RUVBL1: variants seen among roughly 807,000 people sequenced by gnomAD.
The protein encoded by RUVBL1 is RuvB like AAA ATPase 1.
In RUVBL1, 4 loss-of-function variants were observed where a neutral mutation model predicts 52.4. The ratio of observed to expected loss-of-function variants is 0.08; its 90% CI spans 0.04 to 0.17. RUVBL1 has a LOEUF of 0.17. Ranked by LOEUF, RUVBL1 falls within the 10% of genes least tolerant of loss-of-function variation. The pLI is 1.00. For missense variants in RUVBL1, 298 were observed against 572.8 expected (o/e 0.52, Z 4.90); for synonymous variants, 217 against 214.4 (o/e 1.01, Z -0.10).
chr3:128,077,341 C>T (rs1258067517), downstream of RUVBL1, among the ~76,000 whole-genome samples: 1 of 152,196 alleles, frequency 6.6e-6, no homozygotes, highest in Admixed American at 6.5e-5. Flanking sequence ...CTCCCTCACC[C>T]CCTATCCTCT....
intron 9 of RUVBL1, chr3:128,068,096 T>C (rs1305258812): frequency 6.5e-7 from 1 of 1,542,846 alleles, no homozygotes; most frequent in African/African-American, 1.4e-5. Context: ...CTCCCGTCTG[T>C]GGACATGTGT....
intron 1 of RUVBL1, among the ~76,000 whole-genome samples, chr3:128,147,235 A>C (rs1209786228): frequency 1.3e-5 from 2 of 152,026 alleles, no homozygotes; most frequent in Non-Finnish European, 2.9e-5. Flanking sequence ...ATACCTGGCT[A>C]ATTTTTGTGT....
chr3:128,150,741 A>G (rs1386377641), intron 1 of RUVBL1, among the ~76,000 whole-genome samples: 3 of 114,042 alleles, frequency 2.6e-5, no homozygotes, highest in African/African-American at 1.1e-4. Flanking sequence ...TATATATTCT[A>G]TATTATATAT....
rs1030955384 is a variant in RUVBL1, at chr3:128,090,433, G to A, written c.1017-2625C>T. On this transcript the variant is annotated intron_variant, in intron 8 of 10. Coordinates refer to ENST00000322623, the MANE Select transcript of RUVBL1 (RefSeq NM_003707.3). ...ACTTGGGAGGCTGAGGCAGGAGAATGGCGTGAACCCGGGAGGCGGAGCTTG... is the reference window on the plus strand; with the variant it reads ...ACTTGGGAGGCTGAGGCAGGAGAATAGCGTGAACCCGGGAGGCGGAGCTTG... Among the ~76,000 whole-genome samples, 10 of 152,214 alleles carry A rather than the reference G, an allele frequency of 6.6e-5. No homozygotes were observed. The South Asian group carries it at 1.5e-3, about 22-fold the overall frequency.
At chr3:128,101,695 C>G in intron 4 of RUVBL1, 47 bp from the exon 5 acceptor site, 4 of 1,573,054 alleles carry the variant, frequency 2.5e-6, no homozygotes, top group Non-Finnish European at 3.5e-6. Context: ...ATTCCATTTC[C>G]TTCTGACACC....
rs1024024996 is a variant in RUVBL1 at position 128,087,126 on chromosome 3, C to T, written c.1119+580G>A. Among the ~76,000 whole-genome samples, 7 of 152,272 alleles carry T rather than the reference C, an allele frequency of 4.6e-5. No individual in the cohort carries two copies. In the South Asian group the frequency reaches 6.2e-4, roughly 13 times the overall value. ...GCAAAGCCACAGACCTGCCCAGGGG[C>T]GGCCTCCAAAGCTGCCGAGAAACTT... On this transcript the variant is annotated intron_variant, in intron 9 of 10. Coordinates refer to ENST00000322623, the MANE Select transcript of RUVBL1 (RefSeq NM_003707.3).
intron 1 of RUVBL1, among the ~76,000 whole-genome samples, chr3:128,145,542 G>T (rs1324339449): frequency 2.6e-5 from 4 of 152,210 alleles, no homozygotes; most frequent in Non-Finnish European, 5.9e-5. Context: ...GAAGTAGCCC[G>T]CGGGCGAGTG....
chr3:128,133,997 C>T (rs1943915505), intron 1 of RUVBL1, among the ~76,000 whole-genome samples: 1 of 151,986 alleles, frequency 6.6e-6, no homozygotes, highest in African/African-American at 2.4e-5. Context: ...CAACGAAATT[C>T]AAGATAATGC....
chr3:128,112,061 A>G (rs1194637933), intron 3 of RUVBL1, among the ~76,000 whole-genome samples: 1 of 152,266 alleles, frequency 6.6e-6, no homozygotes, highest in East Asian at 1.9e-4. Flanking sequence ...AACAGTTAAA[A>G]GAAATAAGCT....
rs1035743103 is a variant in RUVBL1, at chr3:128,067,368, T to C, written c.940-2148A>G. ...CTGCTCAGAACTATTTTTGCCTTGATGCTAAAGTAAAATGAAGGAGCACTC... is the reference window on the plus strand; with the variant it reads ...CTGCTCAGAACTATTTTTGCCTTGACGCTAAAGTAAAATGAAGGAGCACTC... On this transcript the variant is annotated intron_variant, in intron 9 of 9. Transcript: ENST00000464873. The surrounding 1 kb of genome is among the most constrained non-coding windows in gnomAD (Gnocchi z 4.1). The C allele has an allele frequency of 3.3e-5, 52 of 1,559,308 alleles. No individual in the cohort carries two copies. Among genetic ancestry groups the C allele is most frequent in the Non-Finnish European group, 4.2e-5 (48 of 1,149,472 alleles).
downstream of RUVBL1, among the ~76,000 whole-genome samples, chr3:128,077,276 G>T (rs958990949): frequency 3.3e-5 from 5 of 152,108 alleles, no homozygotes; most frequent in Non-Finnish European, 7.4e-5. Flanking sequence ...CAGTTCCGGG[G>T]CCCTGCTGCG....
chr3:128,122,296 A>G (rs1016025983), intron 1 of RUVBL1, among the ~76,000 whole-genome samples: 8 of 152,234 alleles, frequency 5.3e-5, no homozygotes. Flanking sequence ...GAAATGTAAA[A>G]GTGGATTGGG....
chr3:128,138,003 TAAAAGCCCTC>T (rs940021183), intron 1 of RUVBL1, among the ~76,000 whole-genome samples: 3 of 152,072 alleles, frequency 2.0e-5, no homozygotes, highest in Admixed American at 6.5e-5. Flanking sequence ...CCTACTATAG[TAAAAGCCCTC>T]AAAAAACTTG....
chr3:128,124,051 G>C (rs867131335), upstream of RUVBL1, among the ~76,000 whole-genome samples: 4 of 152,180 alleles, frequency 2.6e-5, no homozygotes, highest in Non-Finnish European at 5.9e-5. Context: ...CGTTGCACGA[G>C]GCAGTGGCCC....
intron 1 of RUVBL1, among the ~76,000 whole-genome samples, chr3:128,136,710 G>C (rs1943953702): frequency 6.6e-6 from 1 of 151,152 alleles, no homozygotes; most frequent in African/African-American, 2.4e-5. Context: ...ATAAAGGGAT[G>C]GAAAAAATGT....
intron 1 of RUVBL1, among the ~76,000 whole-genome samples, chr3:128,152,798 G>A (rs1392410729): frequency 6.7e-6 from 1 of 150,082 alleles, no homozygotes; most frequent in Non-Finnish European, 1.5e-5. Context: ...TTATTGTGAA[G>A]AGCAAAAAGC....
intron 2 of RUVBL1, among the ~76,000 whole-genome samples, chr3:128,115,766 T>G (rs1228082484): frequency 1.3e-5 from 2 of 152,162 alleles, no homozygotes; most frequent in Admixed American, 6.5e-5. Context: ...CTATTTGCCT[T>G]GAAAGTTCAG....
Position 128,119,868 on chromosome 3 carries a change from T to C in RUVBL1, c.142-454A>G, listed in dbSNP as rs1576475206. 2.0e-5 allele frequency among the ~76,000 whole-genome samples: 3 copies of C among 152,250 alleles called. No individual in the cohort carries two copies. In the East Asian group the frequency reaches 5.8e-4, roughly 29 times the overall value. ...CAGAAAGGTTGCAGTGACCAAAGTA[T>C]AGCGAAAAAGACCAGGAAGATGAGG... On this transcript the variant is annotated intron_variant, in intron 1 of 10. Coordinates refer to ENST00000322623, the MANE Select transcript of RUVBL1 (RefSeq NM_003707.3).
chr3:128,115,323 AAAG>A (rs1245741599), intron 2 of RUVBL1, among the ~76,000 whole-genome samples: 2 of 152,244 alleles, frequency 1.3e-5, no homozygotes, highest in Non-Finnish European at 2.9e-5. Context: ...GTTGTTGCCA[AAAG>A]AAGGTTGAAG....
Sources: gnomAD v4.1 joint callset for allele counts (sites outside exome capture counted in the v4.1 genomes callset) on GRCh38, gnomAD v4.1.1 for gene constraint, Gnocchi (gnomAD v3.1) non-coding constraint, MANE v1.5 for transcripts, NCBI Gene and HGNC (gene_info 2026-07-23, HGNC 2026-07-21) for gene names.